The following FGF1 variants were observed in gnomAD, a reference collection of about 807,000 sequenced individuals.
FGF1 encodes the protein fibroblast growth factor 1, also known as beta-endothelial cell growth factor.
A neutral mutation model predicts 13.4 loss-of-function variants in FGF1; 9 were observed. The observed-to-expected ratio is 0.67, with a 90% CI of 0.40 to 1.17. The LOEUF (loss-of-function observed/expected upper bound fraction) is 1.17. FGF1 is among the 50% of genes most tolerant of loss of function. The pLI is 0.01. For missense variants in FGF1, 156 were observed against 192.7 expected (o/e 0.81, Z 1.13); for synonymous variants, 93 against 79.0 (o/e 1.18, Z -0.94).
intron 1 of FGF1, among the ~76,000 whole-genome samples, chr5:142,682,364 A>G (rs954523132): frequency 6.6e-6 from 1 of 152,186 alleles, no homozygotes; most frequent in East Asian, 1.9e-4. Context: ...GATTACAGGC[A>G]TGAGCCATCG....
At chr5:142,655,969 T>G (rs760997781) in intron 1 of FGF1, among the ~76,000 whole-genome samples, 12 of 152,186 alleles carry the variant, frequency 7.9e-5, no homozygotes, top group Non-Finnish European at 1.8e-4. Context: ...TGTTTTTGCG[T>G]TCTCTGCAAG....
At chr5:142,602,732 TAACAAC>T (rs1024121437) in intron 2 of FGF1, among the ~76,000 whole-genome samples, 2 of 152,182 alleles carry the variant, frequency 1.3e-5, no homozygotes, top group Non-Finnish European at 2.9e-5. Flanking sequence ...TTTTTTTGCT[TAACAAC>T]TAATTGTAGA....
intron 1 of FGF1, among the ~76,000 whole-genome samples, chr5:142,679,070 C>T (rs769661479): frequency 3.3e-5 from 5 of 152,184 alleles, no homozygotes; most frequent in South Asian, 2.1e-4. Context: ...TCGTTCCCTT[C>T]GTTGAAATGA....
At chr5:142,642,632 A>T (rs1404423042) in intron 1 of FGF1, among the ~76,000 whole-genome samples, 1 of 152,248 alleles carries the variant, frequency 6.6e-6, no homozygotes, top group Non-Finnish European at 1.5e-5. Context: ...GCAGCCACCA[A>T]ATAGATCTGG....
chr5:142,614,632 A>G (rs2151875512), intron 1 of FGF1, among the ~76,000 whole-genome samples: 2 of 152,322 alleles, frequency 1.3e-5, no homozygotes, highest in South Asian at 4.1e-4. Flanking sequence ...CAGATAGCAC[A>G]GATGGCCTGG....
chr5:142,676,260 C>G (rs1772578484), intron 1 of FGF1, among the ~76,000 whole-genome samples: 1 of 152,198 alleles, frequency 6.6e-6, no homozygotes, highest in Non-Finnish European at 1.5e-5. Flanking sequence ...CCAGCCGCAA[C>G]AATCATTCAT....
rs999713841 is a variant in FGF1, at chr5:142,623,334, T to C, written c.-34-9173A>G. 4.7e-5 allele frequency among the ~76,000 whole-genome samples: 7 copies of C among 148,144 alleles called. No homozygotes were observed. In the East Asian group the frequency reaches 8.1e-4, roughly 17 times the overall value. On this transcript the variant is annotated intron_variant, in intron 1 of 3. Coordinates refer to ENST00000337706, the MANE Select transcript of FGF1 (RefSeq NM_000800.5). ...ATTAGCTTGACTATCACCAGCTGTG[T>C]ACCCTTTTGACACTTTTTTTTTTTT...
chr5:142,595,877 C>A (rs1442955801), intron 3 of FGF1, among the ~76,000 whole-genome samples: 1 of 152,172 alleles, frequency 6.6e-6, no homozygotes, highest in African/African-American at 2.4e-5. Flanking sequence ...AGTGGCCTGG[C>A]ACACAGGCCT....
chr5:142,696,462 C>T (rs901011560), intron 2 of FGF1, among the ~76,000 whole-genome samples: 1 of 152,096 alleles, frequency 6.6e-6, no homozygotes, highest in African/African-American at 2.4e-5. Context: ...GGTACAGTAC[C>T]CACATTCGTT....
intron 2 of FGF1, among the ~76,000 whole-genome samples, chr5:142,609,504 TGC>T (rs1758598010): frequency 6.6e-6 from 1 of 152,218 alleles, no homozygotes; most frequent in Non-Finnish European, 1.5e-5. Flanking sequence ...AGACTTGCCC[TGC>T]CAGAGGAGTG....
intron 1 of FGF1, among the ~76,000 whole-genome samples, chr5:142,652,575 C>T (rs1011591315): frequency 1.3e-5 from 2 of 152,182 alleles, no homozygotes; most frequent in African/African-American, 2.4e-5. Context: ...GCCCAGGAGC[C>T]CCATGGTGTT....
chr5:142,654,564 A>T (rs1324090670), intron 1 of FGF1, among the ~76,000 whole-genome samples: 1 of 152,236 alleles, frequency 6.6e-6, no homozygotes, highest in Non-Finnish European at 1.5e-5. Flanking sequence ...AAGTTTTAGC[A>T]AAAGTGGGGC....
intron 2 of FGF1, among the ~76,000 whole-genome samples, chr5:142,609,830 T>C (rs1344223652): frequency 6.6e-5 from 10 of 152,228 alleles, no homozygotes; most frequent in Non-Finnish European, 1.5e-5. Context: ...GGTGCTGTTG[T>C]CATTCTTGTT....
upstream of FGF1, among the ~76,000 whole-genome samples, chr5:142,688,712 A>T (rs906512436): frequency 2.0e-5 from 3 of 152,250 alleles, no homozygotes; most frequent in Non-Finnish European, 4.4e-5. Flanking sequence ...ACCAAAAAAA[A>T]TTCTAGTAGG....
intron 1 of FGF1, among the ~76,000 whole-genome samples, chr5:142,653,918 C>T (rs1208863412): frequency 6.6e-6 from 1 of 152,212 alleles, no homozygotes; most frequent in South Asian, 2.1e-4. Context: ...ATGGTGAAAC[C>T]TCATCTCTAC....
intron 1 of FGF1, among the ~76,000 whole-genome samples, chr5:142,659,293 A>G (rs1597362949): frequency 6.9e-6 from 1 of 144,428 alleles, no homozygotes; most frequent in Non-Finnish European, 1.5e-5. Context: ...CAGTGGCGTG[A>G]TCTCAGCTCA....
intron 1 of FGF1, among the ~76,000 whole-genome samples, chr5:142,624,006 G>A (rs1447813909): frequency 6.6e-6 from 1 of 151,952 alleles, no homozygotes; most frequent in South Asian, 2.1e-4. Context: ...TGCAACCTCC[G>A]CCTCCTGGTT....
intron 1 of FGF1, among the ~76,000 whole-genome samples, chr5:142,624,489 G>T (rs1031179780): frequency 6.6e-6 from 1 of 152,214 alleles, no homozygotes; most frequent in African/African-American, 2.4e-5. Flanking sequence ...TCAACATGAC[G>T]TGCTAGTGAT....
At chr5:142,627,453 C>G (rs1236557313) in intron 1 of FGF1, among the ~76,000 whole-genome samples, 1 of 152,218 alleles carries the variant, frequency 6.6e-6, no homozygotes, top group Non-Finnish European at 1.5e-5. Context: ...AAGGACAAAA[C>G]TCACATTTCT....
Sources: gnomAD v4.1 joint callset for allele counts (sites outside exome capture counted in the v4.1 genomes callset) on GRCh38, gnomAD v4.1.1 for gene constraint, MANE v1.5 for transcripts, NCBI Gene and HGNC (gene_info 2026-07-23, HGNC 2026-07-21) for gene names.